MTCL2: variants seen among roughly 807,000 people sequenced by gnomAD.
MTCL2 encodes microtubule cross-linking factor 2.
At chr20:36,796,233 C>T in the MTCL2 span, among the ~76,000 whole-genome samples, 1 of 152,218 alleles carries the variant, frequency 6.6e-6, no homozygotes, top group Admixed American at 6.5e-5. Flanking sequence ...TGATTAACTT[C>T]AAGAGGCAGC....
At chr20:36,793,347 A>C in the MTCL2 span, 7 of 1,551,618 alleles carry the variant, frequency 4.5e-6, no homozygotes, top group Non-Finnish European at 6.1e-6. The surrounding 1 kb of genome is among the most constrained non-coding windows in gnomAD (Gnocchi z 6.8). Context: ...CTGCTGCCCA[A>C]CTTGGCTGCC....
chr20:36,793,310 G>A, the MTCL2 span: 2 of 1,551,698 alleles, frequency 1.3e-6, no homozygotes, highest in African/African-American at 2.7e-5. This position sits in a 1 kb window ranked among gnomAD's most constrained non-coding sequence, Gnocchi z 6.8. Context: ...CCCCACCTGG[G>A]GGAGCATGGT....
chr20:36,808,671 G>A, the MTCL2 span: 1 of 1,611,640 alleles, frequency 6.2e-7, no homozygotes, highest in Non-Finnish European at 8.5e-7. Context: ...TTCTGCTCCA[G>A]CCTCCGCTGG....
the MTCL2 span, among the ~76,000 whole-genome samples, chr20:36,844,229 C>G: frequency 6.6e-6 from 1 of 151,140 alleles, no homozygotes; most frequent in Non-Finnish European, 1.5e-5. Context: ...GAGCGAGACT[C>G]TGTCTCAGAA....
At chr20:36,804,378 C>CA in the MTCL2 span, among the ~76,000 whole-genome samples, 1 of 152,172 alleles carries the variant, frequency 6.6e-6, no homozygotes, top group Non-Finnish European at 1.5e-5. Context: ...GGGAGGCCCC[C>CA]ATTTTGCGTG....
chr20:36,813,313 T>TAAAAAAAAA, the MTCL2 span, among the ~76,000 whole-genome samples: 16 of 41,900 alleles, frequency 3.8e-4, 3 homozygotes, highest in African/African-American at 1.0e-3. Context: ...ACTGTTTCTT[T>TAAAAAAAAA]AAAAAAAAAA....
the MTCL2 span, among the ~76,000 whole-genome samples, chr20:36,861,288 C>A: frequency 6.6e-6 from 1 of 152,184 alleles, no homozygotes; most frequent in African/African-American, 2.4e-5. Flanking sequence ...AAAGAGCCGA[C>A]TGAACTCCCA....
At chr20:36,839,500 G>T in the MTCL2 span, 1 of 1,515,948 alleles carries the variant, frequency 6.6e-7, no homozygotes, top group Non-Finnish European at 9.0e-7. The surrounding 1 kb of genome is among the most constrained non-coding windows in gnomAD (Gnocchi z 5.1). Context: ...GGAGGCCGGA[G>T]TACTGGCCAC....
At chr20:36,789,394 G>A in the MTCL2 span, among the ~76,000 whole-genome samples, 15 of 152,158 alleles carry the variant, frequency 9.9e-5, no homozygotes, top group Non-Finnish European at 2.2e-4. Flanking sequence ...AGGCGCAGTG[G>A]CTCACGTCTG....
chr20:36,833,287 T>C, the MTCL2 span, among the ~76,000 whole-genome samples: 1 of 152,210 alleles, frequency 6.6e-6, no homozygotes, highest in African/African-American at 2.4e-5. Context: ...CACGTGTCTA[T>C]CCCATTTGAT....
At chr20:36,802,774 C>A in the MTCL2 span, 1 of 1,477,694 alleles carries the variant, frequency 6.8e-7, no homozygotes, top group South Asian at 1.3e-5. Flanking sequence ...CCAGCTATAC[C>A]TGAAGGAGTT....
chr20:36,862,343 C>A, the MTCL2 span, among the ~76,000 whole-genome samples: 1 of 152,220 alleles, frequency 6.6e-6, no homozygotes, highest in Non-Finnish European at 1.5e-5. Context: ...AGAGATCCAT[C>A]CCTTCCCTGG....
the MTCL2 span, among the ~76,000 whole-genome samples, chr20:36,858,797 T>C: frequency 6.6e-5 from 10 of 152,108 alleles, no homozygotes; most frequent in Non-Finnish European, 1.3e-4. Context: ...CACCTTTACT[T>C]ATTTTTTTTT....
At chr20:36,844,474 G>A in the MTCL2 span, among the ~76,000 whole-genome samples, 1 of 151,812 alleles carries the variant, frequency 6.6e-6, no homozygotes, top group African/African-American at 2.4e-5. Flanking sequence ...CTTTAAAAAT[G>A]GCTATCATTG....
At chr20:36,815,117 G>A in the MTCL2 span, 36 of 1,572,800 alleles carry the variant, frequency 2.3e-5, no homozygotes, top group Non-Finnish European at 2.9e-5. The surrounding 1 kb of genome is among the most constrained non-coding windows in gnomAD (Gnocchi z 5.3). Flanking sequence ...TGTGCATGAG[G>A]CACCTTACCT....
chr20:36,828,658 C>T, the MTCL2 span: 2 of 174,458 alleles, frequency 1.1e-5, no homozygotes, highest in African/African-American at 4.8e-5. Context: ...CTCACAATGA[C>T]TCAGGGCACC....
the MTCL2 span, chr20:36,829,174 G>A: frequency 4.3e-5 from 70 of 1,610,576 alleles, 1 homozygote; most frequent in South Asian, 4.6e-4. Context: ...CCACCACCTC[G>A]AGCTCCTTAT....
At chr20:36,852,815 G>A in the MTCL2 span, among the ~76,000 whole-genome samples, 2 of 152,188 alleles carry the variant, frequency 1.3e-5, no homozygotes, top group Non-Finnish European at 2.9e-5. Flanking sequence ...CCAGCACTTT[G>A]GGAGGCTGAG....
At chr20:36,849,954 G>A in the MTCL2 span, among the ~76,000 whole-genome samples, 5 of 152,110 alleles carry the variant, frequency 3.3e-5, no homozygotes, top group Admixed American at 2.6e-4. Context: ...GACACGGAGA[G>A]AACCAAGGGG....
Sources: gnomAD v4.1 joint callset for allele counts (sites outside exome capture counted in the v4.1 genomes callset) on GRCh38, gnomAD v4.1.1 for gene constraint, Gnocchi (gnomAD v3.1) non-coding constraint, MANE v1.5 for transcripts, NCBI Gene and HGNC (gene_info 2026-07-23, HGNC 2026-07-21) for gene names.